The following CPNE4 variants were observed in gnomAD, a reference collection of about 807,000 sequenced individuals.
CPNE4 encodes the protein copine-4.
A neutral mutation model predicts 67.9 loss-of-function variants in CPNE4; 25 were observed. The ratio of observed to expected loss-of-function variants is 0.37; its 90% confidence interval spans 0.27 to 0.51. CPNE4 has a LOEUF of 0.51. CPNE4 is among the 20% of genes least tolerant of loss of function. The pLI is 0.93. For synonymous variants in CPNE4, 242 were observed against 244.9 expected (o/e 0.99, Z 0.11); for missense variants, 464 against 690.8 (o/e 0.67, Z 3.68).
intron 1 of CPNE4, among the ~76,000 whole-genome samples, chr3:132,004,738 T>A (rs1000084976): frequency 1.3e-5 from 2 of 152,076 alleles, no homozygotes; most frequent in African/African-American, 4.8e-5. Context: ...AAATTTCAAA[T>A]AGCCAGAGTT....
intron 1 of CPNE4, among the ~76,000 whole-genome samples, chr3:131,967,711 C>A (rs1466384411): frequency 1.3e-5 from 2 of 152,090 alleles, no homozygotes; most frequent in African/African-American, 4.8e-5. Flanking sequence ...AGAGAAGACA[C>A]AAACAAATAG....
At chr3:131,542,827 G>T (rs764659189) in intron 14 of CPNE4, 34 bp from the exon 15 acceptor site, 1 of 1,289,532 alleles carries the variant, frequency 7.8e-7, no homozygotes, top group South Asian at 1.3e-5. Context: ...ATGGGGGGGG[G>T]TGAAGAGGTG....
chr3:131,963,801 G>T (rs1364812531), intron 1 of CPNE4, among the ~76,000 whole-genome samples: 1 of 152,180 alleles, frequency 6.6e-6, no homozygotes, highest in African/African-American at 2.4e-5. Flanking sequence ...AGCAGCTGTT[G>T]GCACTACGGC....
chr3:131,749,268 C>T (rs1247586697), intron 2 of CPNE4, among the ~76,000 whole-genome samples: 6 of 152,066 alleles, frequency 3.9e-5, no homozygotes, highest in Non-Finnish European at 8.8e-5. Context: ...TTTCCTGTTA[C>T]GTTTCTGCTC....
chr3:131,935,896 T>C (rs953874991), intron 1 of CPNE4, among the ~76,000 whole-genome samples: 3 of 152,008 alleles, frequency 2.0e-5, no homozygotes, highest in Non-Finnish European at 4.4e-5. Flanking sequence ...GGGGTCTTTA[T>C]AGAGGATATG....
chr3:132,035,756 A>G (rs2074328122), upstream of CPNE4, among the ~76,000 whole-genome samples: 1 of 152,222 alleles, frequency 6.6e-6, no homozygotes, highest in Non-Finnish European at 1.5e-5. Flanking sequence ...AAACTAGACA[A>G]CTAAATTCTC....
At chr3:131,843,924 C>T (rs1362321909) in intron 2 of CPNE4, among the ~76,000 whole-genome samples, 1 of 152,116 alleles carries the variant, frequency 6.6e-6, no homozygotes, top group African/African-American at 2.4e-5. Flanking sequence ...ATTTCTTCTC[C>T]CTGACTTGGT....
intron 1 of CPNE4, among the ~76,000 whole-genome samples, chr3:131,938,767 CAT>C (rs2071299940): frequency 6.6e-6 from 1 of 152,094 alleles, no homozygotes; most frequent in African/African-American, 2.4e-5. Context: ...TCCCTCAACA[CAT>C]GAGGATTACA....
rs767600056 is a variant in CPNE4, at chr3:131,905,372, G to C, written c.72C>G (p.Thr24=). Residue 24 remains threonine (T), a synonymous_variant, in exon 2 of 16, where the codon ACC becomes ACG. Coordinates refer to ENST00000429747, the MANE Select transcript of CPNE4 (RefSeq NM_130808.3). The part of the protein sequence containing the change: ...TLGIFNSPCL[T]KVELRVACKG... ...TGCACGCCACACGCAGCTCAACTTTGGTCAGGCAGGGGCTGTTAAAGATTC... is the reference window on the plus strand; with the variant it reads ...TGCACGCCACACGCAGCTCAACTTTCGTCAGGCAGGGGCTGTTAAAGATTC... The C allele has an allele frequency of 6.2e-7, 1 of 1,613,478 alleles. No individual in the cohort carries two copies. The highest frequency in any genetic ancestry group is 8.5e-7 in the Non-Finnish European group (1 of 1,179,666).
intron 2 of CPNE4, among the ~76,000 whole-genome samples, chr3:131,878,826 G>A (rs532331275): frequency 7.8e-4 from 119 of 152,290 alleles, no homozygotes; most frequent in Non-Finnish European, 1.3e-3. Flanking sequence ...AATACAGCAA[G>A]AAGGAACCTC....
chr3:131,750,300 T>C (rs1322288121), intron 2 of CPNE4, among the ~76,000 whole-genome samples: 2 of 152,182 alleles, frequency 1.3e-5, no homozygotes, highest in African/African-American at 2.4e-5. Context: ...TTGGTATATT[T>C]AAGTCATTTA....
At chr3:131,828,409 A>G (rs949719195) in intron 2 of CPNE4, among the ~76,000 whole-genome samples, 3 of 152,088 alleles carry the variant, frequency 2.0e-5, no homozygotes, top group South Asian at 4.1e-4. Flanking sequence ...TTAATATTTG[A>G]CTCCCATCAG....
At chr3:131,575,865 CGTTA>C (rs1937536225) in intron 9 of CPNE4, among the ~76,000 whole-genome samples, 2 of 151,748 alleles carry the variant, frequency 1.3e-5, no homozygotes, top group Non-Finnish European at 2.9e-5. Context: ...ATGGTTGTTG[CGTTA>C]TGCCAACTGC....
intron 2 of CPNE4, among the ~76,000 whole-genome samples, chr3:131,894,125 A>C (rs909986128): frequency 3.9e-5 from 6 of 151,948 alleles, no homozygotes; most frequent in Non-Finnish European, 7.4e-5. Flanking sequence ...AGAAATACAT[A>C]AATTCCTGGA....
chr3:131,750,012 A>T (rs6781498), intron 2 of CPNE4, among the ~76,000 whole-genome samples: 1 of 151,958 alleles, frequency 6.6e-6, no homozygotes, highest in East Asian at 1.9e-4. Context: ...GCTGAGACAG[A>T]GCAACTATAC....
At chr3:131,689,843 C>A (rs1415173740) in intron 5 of CPNE4, among the ~76,000 whole-genome samples, 1 of 152,190 alleles carries the variant, frequency 6.6e-6, no homozygotes, top group Non-Finnish European at 1.5e-5. Flanking sequence ...ACTCCTAGAA[C>A]TGATCTTCAG....
intron 2 of CPNE4, among the ~76,000 whole-genome samples, chr3:131,831,046 AT>A (rs2085349966): frequency 6.6e-6 from 1 of 152,022 alleles, no homozygotes; most frequent in African/African-American, 2.4e-5. Context: ...GGTAAAAGTT[AT>A]TTTACCTAGG....
At chr3:131,567,687 A>G (rs376351736) in intron 10 of CPNE4, among the ~76,000 whole-genome samples, 3 of 152,046 alleles carry the variant, frequency 2.0e-5, no homozygotes, top group East Asian at 3.9e-4. Context: ...TGAGAAGGAA[A>G]GAGTGATTGA....
At chr3:131,781,820 A>G (rs1010407978) in intron 2 of CPNE4, among the ~76,000 whole-genome samples, 8 of 152,074 alleles carry the variant, frequency 5.3e-5, no homozygotes, top group Non-Finnish European at 1.2e-4. Context: ...GTGGCTTCAC[A>G]TTTTTTGTCT....
Sources: allele counts gnomAD v4.1 joint callset (sites outside exome capture counted in the v4.1 genomes callset), GRCh38; gene constraint gnomAD v4.1.1; transcripts MANE v1.5; gene names NCBI Gene and HGNC (gene_info 2026-07-23, HGNC 2026-07-21).